Variants in INF2 observed in about 807,000 individuals in gnomAD.
INF2 encodes inverted formin-2.
In INF2, 43 loss-of-function variants were observed where a neutral mutation model predicts 123.5. The observed-to-expected ratio is 0.35, with a 90% confidence interval of 0.27 to 0.45. The LOEUF is 0.45. Ranked by LOEUF, INF2 falls within the 20% of genes least tolerant of loss-of-function variation. The probability of loss-of-function intolerance (pLI) is 1.00; values close to 1 mark genes in which losing one functional copy is unlikely to be tolerated. For missense variants in INF2, 1,453 were observed against 1,682.7 expected (o/e 0.86, Z 2.39); for synonymous variants, 851 against 745.0 (o/e 1.14, Z -2.32).
intron 8 of INF2, 146 bp from the exon 9 acceptor site, chr14:104,708,290 A>G: frequency 4.8e-6 from 5 of 1,042,996 alleles, no homozygotes; most frequent in Non-Finnish European, 6.9e-6. Context: ...GTAGGGAGGT[A>G]GGGTGCCTGC....
intron 13 of INF2, chr14:104,710,579 C>T (rs1191884640): frequency 6.0e-6 from 3 of 502,454 alleles, no homozygotes; most frequent in South Asian, 2.3e-5. Context: ...GACACACGTA[C>T]ACACCCCCCC....
In INF2 at chr14:104,703,666, T is replaced by G. The variant is rs7146454; in HGVS notation, c.667+212T>G. ...GGGGGTCAACCCTGGACCGTTCTCATTTGTGAGACTGGCCAGGCAGTGGAG... is the reference window on the plus strand; with the variant it reads ...GGGGGTCAACCCTGGACCGTTCTCAGTTGTGAGACTGGCCAGGCAGTGGAG... On this transcript the variant is annotated intron_variant, in intron 4 of 22. Coordinates refer to ENST00000392634, the MANE Select transcript of INF2 (RefSeq NM_022489.4). 0.2 allele frequency among the ~76,000 whole-genome samples: 30,041 copies of G among 152,190 alleles called. 3,261 individuals are homozygous for G. The highest frequency in any genetic ancestry group is 0.24 in the Non-Finnish European group (16,273 of 67,978).
intron 21 of INF2, 91 bp from the exon 22 acceptor site, chr14:104,715,193 G>A: frequency 1.6e-6 from 2 of 1,262,446 alleles, no homozygotes. Flanking sequence ...TGTTGGCATG[G>A]CTGTCCCGGG....
upstream of INF2, chr14:104,689,228 G>A (rs918486776): frequency 1.0e-6 from 1 of 985,414 alleles, no homozygotes; most frequent in Non-Finnish European, 1.2e-6. Flanking sequence ...CGGGAGTCCC[G>A]GGCCGGGGCA....
At chr14:104,688,777 C>T (rs2140585605), upstream of INF2, among the ~76,000 whole-genome samples, 1 of 152,364 alleles carries the variant, frequency 6.6e-6, no homozygotes, top group Non-Finnish European at 1.5e-5. Context: ...GCCTGGTGCG[C>T]TGCTTCCTGC....
chr14:104,707,530 A>ACCCCCCC lies in INF2; in HGVS notation c.1268_1269insCCCCCCC (p.Pro426ThrfsTer29). The stretch of plus-strand genomic sequence containing the variant: ...CCCTGGAGCAGCAGGCGTCCACCCC[A>ACCCCCCC]CCCCCACCCCCACCCCCACCCCTGC... On this transcript the variant is annotated frameshift_variant, in exon 8 of 23. Transcript: ENST00000392634. LOFTEE classifies it high-confidence loss of function. The ACCCCCCC allele has an allele frequency of 1.9e-6, 1 of 529,224 alleles. No homozygotes were observed. The highest frequency in any genetic ancestry group is 4.7e-5 in the Admixed American group (1 of 21,134). The allele number at this position is 529,224 out of a possible 1,614,324, so 32.8% of individuals were successfully genotyped here. A position where few individuals can be genotyped will look rare whatever the true frequency, so the allele number is the denominator to read the frequency against.
intron 2 of INF2, among the ~76,000 whole-genome samples, chr14:104,702,409 C>T (rs1889567682): frequency 6.6e-6 from 1 of 150,598 alleles, no homozygotes; most frequent in Non-Finnish European, 1.5e-5. Context: ...ACTTTCCTGT[C>T]CTCCAGGAAG....
At chr14:104,685,388 G>C (rs928307734), upstream of INF2, among the ~76,000 whole-genome samples, 1 of 152,142 alleles carries the variant, frequency 6.6e-6, no homozygotes, top group Non-Finnish European at 1.5e-5. Context: ...ATGCTGAGAG[G>C]CTCCACAAGG....
At chr14:104,713,398 G>T in intron 19 of INF2, 47 bp from the exon 20 acceptor site, 1 of 1,589,426 alleles carries the variant, frequency 6.3e-7, no homozygotes, top group South Asian at 1.1e-5. Context: ...CCCTCTAGGT[G>T]GGCTCCAGGG....
At position 104,721,638 on chromosome 14, in the gene INF2, A is replaced by C. The variant is rs1263396244; in HGVS notation, c.*2845A>C. 1.3e-5 allele frequency: 2 copies of C among 152,832 alleles called. No homozygotes were observed. Among genetic ancestry groups the C allele is most frequent in the Non-Finnish European group, 2.9e-5 (2 of 68,544 alleles). The allele number at this position is 152,832 out of a possible 1,614,324, so 9.5% of individuals were successfully genotyped here. On this transcript the variant is annotated 3_prime_UTR_variant, in exon 23 of 23. Coordinates refer to ENST00000392634, the MANE Select transcript of INF2 (RefSeq NM_022489.4). ...CCACTCCTCCCCCTCCCCACCCTCC[A>C]CAGAACTGCCAGTAAAACTGGACTA...
At chr14:104,709,915 G>A (rs1889966613) in intron 12 of INF2, among the ~76,000 whole-genome samples, 173 bp from the exon 13 acceptor site, 1 of 152,216 alleles carries the variant, frequency 6.6e-6, no homozygotes, top group Non-Finnish European at 1.5e-5. Flanking sequence ...GAGGCCTCTG[G>A]AGGAATTGGA....
Position 104,719,136 on chromosome 14 carries a change from A to G in INF2, c.*343A>G. On this transcript the variant is annotated 3_prime_UTR_variant, in exon 23 of 23. Coordinates refer to ENST00000392634, the MANE Select transcript of INF2 (RefSeq NM_022489.4). ...GTGCTGCGTCCTGCCAGTGTCCACC[A>G]CAGCTCTGCCTGCCCTTCAGCCCAG... The G allele has an allele frequency of 2.5e-6, 1 of 404,264 alleles. No homozygotes were observed. Among genetic ancestry groups the G allele is most frequent in the East Asian group, 4.2e-5 (1 of 23,900 alleles). The allele number at this position is 404,264 out of a possible 1,614,324, so 25.0% of individuals were successfully genotyped here.
At position 104,712,816 on chromosome 14, in the gene INF2, C is replaced by T. The variant is rs1057522725; in HGVS notation, c.2611-12C>T. The T allele has an allele frequency of 3.1e-6, 5 of 1,604,844 alleles. No homozygotes were observed. Among genetic ancestry groups the T allele is most frequent in the Non-Finnish European group, 4.3e-6 (5 of 1,174,954 alleles). ...GGGCTCTCACGGGACTGTCACGTGC[C>T]CTTGCCCCCAGGCCAGCATCTCGGC... is the stretch of plus-strand genomic sequence containing the variant. On this transcript the variant is annotated splice_polypyrimidine_tract_variant and intron_variant, in intron 17 of 22. Transcript: ENST00000392634.
intron 2 of INF2, 76 bp from the exon 3 acceptor site, chr14:104,703,029 C>A: frequency 8.0e-7 from 1 of 1,246,682 alleles, no homozygotes; most frequent in Non-Finnish European, 1.2e-6. Flanking sequence ...CCCAGAGCCC[C>A]AGCCCTGAGC....
At chr14:104,692,323 G>A (rs1355619104) in intron 1 of INF2, among the ~76,000 whole-genome samples, 1 of 152,252 alleles carries the variant, frequency 6.6e-6, no homozygotes, top group Non-Finnish European at 1.5e-5. Context: ...TCTGCCAGGA[G>A]GTGCTGATAA....
At position 104,689,750 on chromosome 14, in the gene INF2, G is replaced by A; in HGVS notation, c.-10+11G>A. The A allele has an allele frequency of 2.0e-6, 2 of 984,996 alleles. No individual in the cohort carries two copies. The highest frequency in any genetic ancestry group is 2.4e-6 in the Non-Finnish European group (2 of 829,718). The allele number at this position is 984,996 out of a possible 1,614,324, so 61.0% of individuals were successfully genotyped here. A position where few individuals can be genotyped will look rare whatever the true frequency, so the allele number is the denominator to read the frequency against. On this transcript the variant is annotated intron_variant, in intron 1 of 22. Coordinates refer to ENST00000392634, the MANE Select transcript of INF2 (RefSeq NM_022489.4). ...CCGTTGCCTCACCGGGTAAGTCCTT[G>A]GCCTCGGGGTCCGCTTGGAGCTTCA...
intron 1 of INF2, among the ~76,000 whole-genome samples, chr14:104,696,222 AG>A (rs1889183554): frequency 6.6e-6 from 1 of 152,154 alleles, no homozygotes; most frequent in Non-Finnish European, 1.5e-5. Context: ...TTGCACAACA[AG>A]CGGAGTTCAA....
chr14:104,715,459 C>T (rs1027285474), intron 22 of INF2, 119 bp downstream of exon 22: 3 of 965,816 alleles, frequency 3.1e-6, no homozygotes, highest in South Asian at 2.6e-5. Flanking sequence ...CCGCGTGGTG[C>T]GTCAGTGTGG....
Position 104,708,395 on chromosome 14 carries a change from G to A in INF2, c.1736-41G>A, listed in dbSNP as rs757125435. 225 of 1,585,860 alleles carry A rather than the reference G, an allele frequency of 1.4e-4. 2 individuals are homozygous for A. The Admixed American group carries it at 3.4e-3, about 24-fold the overall frequency. Reference sequence around the variant, plus strand: ...CCTGCCTGCTGGATCGCCAGGCCCCGGGGCTGCGAGAGCCTCACTGGCCGT... The same window carrying A: ...CCTGCCTGCTGGATCGCCAGGCCCCAGGGCTGCGAGAGCCTCACTGGCCGT... On this transcript the variant is annotated intron_variant, in intron 8 of 22. Coordinates refer to ENST00000392634, the MANE Select transcript of INF2 (RefSeq NM_022489.4).
Sources: gnomAD v4.1 joint callset for allele counts (sites outside exome capture counted in the v4.1 genomes callset) on GRCh38, gnomAD v4.1.1 for gene constraint, MANE v1.5 for transcripts, NCBI Gene and HGNC (gene_info 2026-07-23, HGNC 2026-07-21) for gene names.